The following CNTN1 variants were observed in gnomAD, a reference collection of about 807,000 sequenced individuals.
CNTN1 encodes the protein contactin 1.
CNTN1 carries 38 observed loss-of-function variants against 126.4 expected under a neutral mutation model. The ratio of observed to expected loss-of-function variants is 0.30; its 90% CI spans 0.23 to 0.39. The LOEUF is 0.39. Ranked by LOEUF, CNTN1 falls within the 10% of genes least tolerant of loss-of-function variation. CNTN1 has a pLI of 1.00. For synonymous variants in CNTN1, 413 were observed against 422.6 expected (o/e 0.98, Z 0.28); for missense variants, 1,009 against 1,248.4 (o/e 0.81, Z 2.89).
chr12:40,886,561 C>A (rs992558147), intron 1 of CNTN1, among the ~76,000 whole-genome samples: 2 of 152,070 alleles, frequency 1.3e-5, no homozygotes, highest in African/African-American at 4.8e-5. Context: ...TGCAGAAGCT[C>A]TTTAGTTTAA....
At chr12:40,939,016 T>C (rs1946174762) in intron 11 of CNTN1, among the ~76,000 whole-genome samples, 1 of 152,166 alleles carries the variant, frequency 6.6e-6, no homozygotes, top group Non-Finnish European at 1.5e-5. Flanking sequence ...GTAAGCCATC[T>C]GCCCACCTCA....
At chr12:40,707,788 C>T (rs1419371720) in intron 1 of CNTN1, among the ~76,000 whole-genome samples, 1 of 152,004 alleles carries the variant, frequency 6.6e-6, no homozygotes, top group African/African-American at 2.4e-5. Context: ...ACTTTGAAGT[C>T]TTCAGTTTCT....
At chr12:40,853,355 A>G (rs190890746) in intron 1 of CNTN1, among the ~76,000 whole-genome samples, 24 of 152,306 alleles carry the variant, frequency 1.6e-4, no homozygotes, top group Admixed American at 1.4e-3. Context: ...TGGCTCCATT[A>G]TTAGTGGATT....
chr12:40,776,804 T>A (rs1296130576), intron 1 of CNTN1, among the ~76,000 whole-genome samples: 1 of 151,790 alleles, frequency 6.6e-6, no homozygotes, highest in Non-Finnish European at 1.5e-5. Context: ...TTTCTAGAAC[T>A]CTATCAAGTA....
chr12:40,993,303 GA>G (rs1173486904), intron 17 of CNTN1, 34 bp downstream of exon 17: 1 of 1,579,614 alleles, frequency 6.3e-7, no homozygotes, highest in Non-Finnish European at 8.7e-7. Flanking sequence ...AATTTTAAAA[GA>G]TTTCTAAATA....
intron 23 of CNTN1, among the ~76,000 whole-genome samples, chr12:41,051,018 C>A (rs1004289540): frequency 6.6e-6 from 1 of 152,070 alleles, no homozygotes; most frequent in African/African-American, 2.4e-5. Flanking sequence ...CCATGTTGGC[C>A]CTATTGAGAA....
intron 1 of CNTN1, among the ~76,000 whole-genome samples, chr12:40,884,468 G>A (rs1436453009): frequency 2.0e-5 from 3 of 151,360 alleles, no homozygotes; most frequent in African/African-American, 4.8e-5. Flanking sequence ...ATTTCTCTAT[G>A]AGGAATCACT....
At chr12:40,992,950 C>T (rs1948128024) in intron 16 of CNTN1, among the ~76,000 whole-genome samples, 170 bp from the exon 17 acceptor site, 1 of 152,164 alleles carries the variant, frequency 6.6e-6, no homozygotes, top group African/African-American at 2.4e-5. Context: ...TATATTAAAC[C>T]TCTTCTCTTA....
intron 1 of CNTN1, among the ~76,000 whole-genome samples, chr12:40,722,674 T>G (rs1942248247): frequency 6.6e-6 from 1 of 152,080 alleles, no homozygotes; most frequent in Non-Finnish European, 1.5e-5. Context: ...TAGTATGGAT[T>G]TTGTGGTACA....
chr12:40,747,059 G>T (rs544370722), intron 1 of CNTN1, among the ~76,000 whole-genome samples: 5 of 152,118 alleles, frequency 3.3e-5, no homozygotes, highest in African/African-American at 1.2e-4. Flanking sequence ...ACTATCTACT[G>T]TAACAAATAT....
rs74777273 is a variant in CNTN1, at chr12:40,818,297, G to C, written c.-76-90060G>C. On this transcript the variant is annotated intron_variant, in intron 1 of 23. Coordinates refer to ENST00000551295, the MANE Select transcript of CNTN1 (RefSeq NM_001843.4). The stretch of plus-strand genomic sequence containing the variant: ...ATTCCATCCTCCCCATCTCCTTCTG[G>C]TTGTCCAATCAATTGTAGGTTCAGT... Among the ~76,000 whole-genome samples the C allele has an allele frequency of 1.4e-4, 21 of 152,158 alleles. 1 individual carries two copies. In the East Asian group the frequency reaches 3.9e-3, roughly 28 times the overall value.
intron 23 of CNTN1, among the ~76,000 whole-genome samples, chr12:41,040,553 A>C (rs1949377325): frequency 6.6e-6 from 1 of 152,096 alleles, no homozygotes; most frequent in Non-Finnish European, 1.5e-5. Context: ...TGAGCATGGA[A>C]TGTTCTTCCA....
At chr12:40,941,839 A>G (rs1179359824) in intron 12 of CNTN1, among the ~76,000 whole-genome samples, 2 of 152,102 alleles carry the variant, frequency 1.3e-5, no homozygotes, top group African/African-American at 2.4e-5. Context: ...AAATAAGGAT[A>G]AGATCTTGAG....
chr12:40,693,473 C>T (rs1361373962), intron 1 of CNTN1, among the ~76,000 whole-genome samples: 1 of 152,198 alleles, frequency 6.6e-6, no homozygotes, highest in African/African-American at 2.4e-5. Flanking sequence ...AGTCAGATTG[C>T]TGGGAGCAGT....
chr12:40,742,092 C>G (rs576966484), intron 1 of CNTN1, among the ~76,000 whole-genome samples: 1 of 151,770 alleles, frequency 6.6e-6, no homozygotes, highest in Non-Finnish European at 1.5e-5. Context: ...ACAAACTGAC[C>G]CAATAATATC....
intron 1 of CNTN1, among the ~76,000 whole-genome samples, chr12:40,706,476 C>T (rs1481149382): frequency 1.3e-5 from 2 of 152,034 alleles, no homozygotes; most frequent in Non-Finnish European, 2.9e-5. Context: ...ACTTCATTAT[C>T]CATACTTATG....
chr12:40,847,708 A>T (rs980970973), intron 1 of CNTN1, among the ~76,000 whole-genome samples: 1 of 152,210 alleles, frequency 6.6e-6, no homozygotes, highest in Non-Finnish European at 1.5e-5. Flanking sequence ...TCCCAGGCAC[A>T]TTCTTGAATA....
At chr12:40,954,874 G>A (rs1449006630) in intron 14 of CNTN1, among the ~76,000 whole-genome samples, 2 of 152,110 alleles carry the variant, frequency 1.3e-5, no homozygotes, top group African/African-American at 2.4e-5. Context: ...TATGCTTGAA[G>A]TACTGCCAAC....
intron 1 of CNTN1, among the ~76,000 whole-genome samples, chr12:40,813,376 G>A (rs1941156312): frequency 6.6e-6 from 1 of 151,806 alleles, no homozygotes; most frequent in African/African-American, 2.4e-5. Context: ...CAGGGTATGT[G>A]TTGTTCCCCT....
Sources: gnomAD v4.1 joint callset for allele counts (sites outside exome capture counted in the v4.1 genomes callset) on GRCh38, gnomAD v4.1.1 for gene constraint, MANE v1.5 for transcripts, NCBI Gene and HGNC (gene_info 2026-07-23, HGNC 2026-07-21) for gene names.